Variants in RUFY1 observed in about 807,000 individuals in gnomAD.
The protein encoded by RUFY1 is RUN and FYVE domain-containing protein 1.
RUFY1 carries 54 observed loss-of-function variants against 94.6 expected under a neutral mutation model. The ratio of observed to expected loss-of-function variants is 0.57; its 90% CI spans 0.46 to 0.72. The LOEUF (loss-of-function observed/expected upper bound fraction) is 0.72. Ranked by LOEUF, RUFY1 falls within the 30% of genes least tolerant of loss-of-function variation. The pLI is 0.00. For missense variants in RUFY1, 883 were observed against 883.9 expected (o/e 1.00, Z 0.01); for synonymous variants, 396 against 347.3 (o/e 1.14, Z -1.56).
chr5:179,594,999 GCT>G (rs1349546821), intron 12 of RUFY1, 36 bp downstream of exon 12: 13 of 1,430,992 alleles, frequency 9.1e-6, no homozygotes, highest in Non-Finnish European at 1.3e-5. Context: ...TCTCGGGAAG[GCT>G]CTGAGCATTC....
chr5:179,604,966 GCAGCAAGACTCCATCT>G (rs1766894548), intron 15 of RUFY1, among the ~76,000 whole-genome samples: 1 of 143,504 alleles, frequency 7.0e-6, no homozygotes, highest in Admixed American at 7.2e-5. Context: ...CCTGGCCAAT[GCAGCAAGACTCCATCT>G]CAAAAAAAAA....
chr5:179,569,235 G>A, intron 4 of RUFY1, 67 bp from the exon 5 acceptor site: 1 of 1,610,532 alleles, frequency 6.2e-7, no homozygotes, highest in African/African-American at 1.3e-5. Context: ...GGCAGTTCAG[G>A]GTGGGGAAGG....
In RUFY1 at chr5:179,550,878, A is replaced by G; in HGVS notation, c.309A>G (p.Ala103=). Residue 103 remains alanine (A), a splice_region_variant and synonymous_variant, in exon 1 of 18, where the codon GCA becomes GCG. Transcript: ENST00000319449. ...ACAGCGGGGACGGCACGGCGCGCGC[A>G]GGTAGGCTCGGGCCGGGTCTGTCCC... The part of the protein sequence containing the change: ...GGDSGDGTAR[A]ASKCQMMEER... 1.7e-6 allele frequency: 2 copies of G among 1,162,704 alleles called. No individual in the cohort carries two copies. The highest frequency in any genetic ancestry group is 2.1e-6 in the Non-Finnish European group (2 of 946,478). The allele number at this position is 1,162,704 out of a possible 1,614,324, so 72.0% of individuals were successfully genotyped here.
At chr5:179,555,516 A>G (rs1300859060) in intron 1 of RUFY1, 1 of 283,660 alleles carries the variant, frequency 3.5e-6, no homozygotes, top group Non-Finnish European at 7.1e-6. Flanking sequence ...GAGATGGCAA[A>G]ACACTGCCAG....
Position 179,594,901 on chromosome 5 carries a change from C to T in RUFY1, c.1449C>T (p.Ala483=), listed in dbSNP as rs771523840. 1 of 1,613,310 alleles carries T rather than the reference C, an allele frequency of 6.2e-7. No individual in the cohort carries two copies. The highest frequency in any genetic ancestry group is 8.5e-7 in the Non-Finnish European group (1 of 1,179,658). The change falls in exon 12 of 18, where the codon GCC becomes GCT. Residue 483 remains alanine, a synonymous_variant. Coordinates refer to ENST00000319449, the MANE Select transcript of RUFY1 (RefSeq NM_025158.5). The part of the protein sequence containing the change: ...AESSLQQKNE[A]ITSFEGKTNQ... Reference sequence around the variant, plus strand: ...GCAGTTTGCAGCAGAAGAATGAAGCCATCACATCCTTTGAAGGAAAAACCA... The same window carrying T: ...GCAGTTTGCAGCAGAAGAATGAAGCTATCACATCCTTTGAAGGAAAAACCA...
At chr5:179,590,223 A>G (rs1005293665) in intron 9 of RUFY1, among the ~76,000 whole-genome samples, 10 of 151,672 alleles carry the variant, frequency 6.6e-5, no homozygotes, top group East Asian at 2.0e-4. Context: ...GCGTGGTGGC[A>G]GGTGCCTGTA....
chr5:179,564,400 G>T (rs753673593), intron 3 of RUFY1, among the ~76,000 whole-genome samples: 1 of 149,482 alleles, frequency 6.7e-6, no homozygotes, highest in South Asian at 2.1e-4. Flanking sequence ...GATTATAGGT[G>T]TGAACCACTG....
intron 1 of RUFY1, among the ~76,000 whole-genome samples, chr5:179,551,554 C>T (rs1019587257): frequency 1.3e-5 from 2 of 151,798 alleles, no homozygotes; most frequent in African/African-American, 4.8e-5. Context: ...TGCAGTGGTG[C>T]GATCTCGGCT....
chr5:179,566,437 C>A (rs1245441367), intron 3 of RUFY1, among the ~76,000 whole-genome samples: 1 of 151,864 alleles, frequency 6.6e-6, no homozygotes, highest in Non-Finnish European at 1.5e-5. Context: ...GAAACCCCAT[C>A]TCTACTAAAA....
At chr5:179,561,844 G>A (rs369569057) in intron 2 of RUFY1, among the ~76,000 whole-genome samples, 26 of 150,434 alleles carry the variant, frequency 1.7e-4, no homozygotes, top group East Asian at 1.4e-3. Context: ...CACCACTCTC[G>A]GCTAATTTTT....
intron 1 of RUFY1, among the ~76,000 whole-genome samples, chr5:179,552,842 C>G (rs1261273313): frequency 6.6e-6 from 1 of 152,100 alleles, no homozygotes; most frequent in Non-Finnish European, 1.5e-5. Context: ...TACCTGTGTT[C>G]CATCTATGGA....
At chr5:179,608,294 G>GT in intron 17 of RUFY1, 1 of 985,862 alleles carries the variant, frequency 1.0e-6, no homozygotes, top group Non-Finnish European at 1.2e-6. Flanking sequence ...GCCTAGCTCT[G>GT]TGGAAGAGAG....
At chr5:179,551,647 C>G (rs1028362459) in intron 1 of RUFY1, among the ~76,000 whole-genome samples, 10 of 150,834 alleles carry the variant, frequency 6.6e-5, no homozygotes, top group African/African-American at 2.2e-4. Context: ...AGGTGCCCAC[C>G]ACCACGCTCG....
Position 179,550,686 on chromosome 5 carries a change from G to A in RUFY1, c.117G>A (p.Val39=). Residue 39 remains valine (V), a synonymous_variant, in exon 1 of 18, where the codon GTG becomes GTA. Transcript: ENST00000319449. ...ALEPGEEFEI[V]DRSQLPGPGD... ...AGCCGGGAGAAGAGTTTGAGATCGT[G>A]GACCGAAGCCAGCTGCCCGGCCCAG... 2 of 1,499,206 alleles carry A rather than the reference G, an allele frequency of 1.3e-6. No individual in the cohort carries two copies. Among genetic ancestry groups the A allele is most frequent in the African/African-American group, 1.4e-5 (1 of 69,078 alleles). 92.9% of individuals were successfully genotyped at this position (1,499,206 alleles called of 1,614,324 possible).
chr5:179,572,253 C>T (rs553153864), intron 5 of RUFY1: 3 of 269,054 alleles, frequency 1.1e-5, no homozygotes, highest in African/African-American at 2.3e-5. Flanking sequence ...CTGTGGGCTA[C>T]AAAGGGAAGT....
chr5:179,558,375 C>G lies in RUFY1; in HGVS notation c.311-1650C>G, dbSNP rs377027883. On this transcript the variant is annotated intron_variant, in intron 1 of 17. Coordinates refer to ENST00000319449, the MANE Select transcript of RUFY1 (RefSeq NM_025158.5). ...ATCACCTGAGGTTGGAAGTTCGAGA[C>G]CAGCCTGACCAAAATGGAGAAACCC... Among the ~76,000 whole-genome samples the G allele has an allele frequency of 3.9e-5, 6 of 152,232 alleles. No individual in the cohort carries two copies. The East Asian group carries it at 1.2e-3, about 29-fold the overall frequency.
chr5:179,597,758 G>A (rs1765819713), intron 13 of RUFY1, among the ~76,000 whole-genome samples: 1 of 152,216 alleles, frequency 6.6e-6, no homozygotes, highest in Non-Finnish European at 1.5e-5. Context: ...CCCACAAAGA[G>A]AGAGCAGACT....
intron 16 of RUFY1, chr5:179,606,224 C>T: frequency 2.2e-6 from 1 of 461,322 alleles, no homozygotes; most frequent in Non-Finnish European, 3.9e-6. Flanking sequence ...GAGGAGGGAC[C>T]CGCGGATATC....
intron 15 of RUFY1, among the ~76,000 whole-genome samples, chr5:179,604,708 G>A (rs1433714333): frequency 6.6e-6 from 1 of 152,174 alleles, no homozygotes; most frequent in Non-Finnish European, 1.5e-5. Flanking sequence ...CAGGCTGGGC[G>A]TGGGGGCTCA....
Sources: gnomAD v4.1 joint callset for allele counts (sites outside exome capture counted in the v4.1 genomes callset) on GRCh38, gnomAD v4.1.1 for gene constraint, MANE v1.5 for transcripts, NCBI Gene and HGNC (gene_info 2026-07-23, HGNC 2026-07-21) for gene names.